SPAG16: variants seen among roughly 807,000 people sequenced by gnomAD.
SPAG16 encodes the protein sperm-associated antigen 16 protein.
A neutral mutation model predicts 80.4 loss-of-function variants in SPAG16; 86 were observed. That is an observed-to-expected ratio of 1.07 (90% confidence interval 0.90 to 1.28). The LOEUF (loss-of-function observed/expected upper bound fraction) is 1.28. Among genes scored for constraint, SPAG16 ranks in the 50% most tolerant of loss-of-function variants. The pLI, the probability that SPAG16 is intolerant of heterozygous loss-of-function variation, is 0.00. For synonymous variants in SPAG16, 294 were observed against 265.9 expected, an observed-to-expected ratio of 1.11 and a Z score of -1.03; for missense variants, 870 against 765.3, an observed-to-expected ratio of 1.14 and a Z score of -1.61.
At chr2:214,242,909 A>T (rs1689593461) in intron 15 of SPAG16, among the ~76,000 whole-genome samples, 1 of 152,144 alleles carries the variant, frequency 6.6e-6, no homozygotes, top group Non-Finnish European at 1.5e-5. Flanking sequence ...TATCCTGTTG[A>T]TAAAATAAAA....
chr2:214,350,498 G>GAT (rs1698326362), intron 15 of SPAG16, among the ~76,000 whole-genome samples: 2 of 152,082 alleles, frequency 1.3e-5, no homozygotes, highest in African/African-American at 4.8e-5. Flanking sequence ...TATATCTTTT[G>GAT]ATATGTAAGA....
At chr2:214,385,000 C>A (rs1360720123) in intron 15 of SPAG16, among the ~76,000 whole-genome samples, 4 of 152,204 alleles carry the variant, frequency 2.6e-5, no homozygotes, top group Non-Finnish European at 4.4e-5. Context: ...CAACCAGAGA[C>A]AACCATAGAA....
At chr2:213,438,437 T>C (rs914550307) in intron 9 of SPAG16, among the ~76,000 whole-genome samples, 17 of 152,240 alleles carry the variant, frequency 1.1e-4, no homozygotes, top group African/African-American at 3.9e-4. Flanking sequence ...CTTATTTTTA[T>C]ATAACAAGTT....
rs769962264 is a variant in SPAG16 at position 213,296,045 on chromosome 2, A to G, written c.137-19A>G. ...TTTATTCTATATTTTTTGAGATTAA[A>G]ACTTGACAAGATATTCAGAGGTCAC... On this transcript the variant is annotated intron_variant, in intron 1 of 15. Transcript: ENST00000331683. 1.5e-5 allele frequency: 24 copies of G among 1,604,486 alleles called. No homozygotes were observed. The East Asian group carries it at 4.9e-4, about 33-fold the overall frequency.
At chr2:213,322,689 A>G (rs1022404922) in intron 5 of SPAG16, among the ~76,000 whole-genome samples, 34 of 152,130 alleles carry the variant, frequency 2.2e-4, no homozygotes, top group African/African-American at 7.2e-4. Context: ...TACAACATAT[A>G]TTAGGTAGTG....
chr2:213,650,495 G>A (rs893393160), intron 10 of SPAG16, among the ~76,000 whole-genome samples: 22 of 152,158 alleles, frequency 1.4e-4, no homozygotes, highest in African/African-American at 5.3e-4. Flanking sequence ...GATATGCACT[G>A]ATAGCTACTA....
chr2:214,011,826 T>G (rs142493584), intron 12 of SPAG16, among the ~76,000 whole-genome samples: 2 of 152,248 alleles, frequency 1.3e-5, no homozygotes, highest in Non-Finnish European at 2.9e-5. Context: ...TACATACATA[T>G]TCATATACAT....
At chr2:213,680,868 A>C (rs1238936683) in intron 10 of SPAG16, among the ~76,000 whole-genome samples, 3 of 152,218 alleles carry the variant, frequency 2.0e-5, no homozygotes, top group African/African-American at 7.2e-5. Context: ...AAGGCAGGAC[A>C]ACTCCAAGTT....
intron 10 of SPAG16, among the ~76,000 whole-genome samples, chr2:213,576,847 G>A (rs2126028161): frequency 6.6e-6 from 1 of 152,248 alleles, no homozygotes; most frequent in Admixed American, 6.5e-5. Context: ...TTGGAGGGTG[G>A]AGGGTGGGAG....
chr2:214,247,115 G>T (rs114619607), intron 15 of SPAG16, among the ~76,000 whole-genome samples: 1 of 152,106 alleles, frequency 6.6e-6, no homozygotes, highest in South Asian at 2.1e-4. Flanking sequence ...CAGGCTGGGT[G>T]TGTATAGTCT....
chr2:213,702,667 A>C (rs562426043), intron 10 of SPAG16, among the ~76,000 whole-genome samples: 6 of 152,218 alleles, frequency 3.9e-5, no homozygotes, highest in Non-Finnish European at 7.3e-5. Flanking sequence ...AACTATCCGT[A>C]ATCTATGACA....
intron 10 of SPAG16, among the ~76,000 whole-genome samples, chr2:213,525,284 C>CTTTTTTTTTTTTT (rs71060436): frequency 2.0e-5 from 2 of 100,338 alleles, no homozygotes; most frequent in African/African-American, 3.8e-5. Context: ...TTTTCCTTTT[C>CTTTTTTTTTTTTT]TTTTTTTTTT....
At chr2:213,315,637 C>T (rs1412149548) in intron 4 of SPAG16, among the ~76,000 whole-genome samples, 2 of 151,920 alleles carry the variant, frequency 1.3e-5, no homozygotes, top group Non-Finnish European at 2.9e-5. Flanking sequence ...TTCCTCATTT[C>T]CTAGTCTCTC....
intron 10 of SPAG16, among the ~76,000 whole-genome samples, chr2:213,725,670 T>G (rs2066735696): frequency 6.6e-6 from 1 of 152,194 alleles, no homozygotes; most frequent in South Asian, 2.1e-4. Flanking sequence ...AGAAAAGAGA[T>G]ATTCCACCTA....
In SPAG16 at chr2:213,776,826, ACC is replaced by A. The variant is rs140864608; in HGVS notation, c.1071-85650_1071-85649del. Among the ~76,000 whole-genome samples the A allele has an allele frequency of 9.4e-4, 101 of 107,614 alleles. No individual in the cohort carries two copies. In the East Asian group the frequency reaches 0.013, roughly 14 times the overall value. The allele number at this position is 107,614 out of a possible 152,430, so 70.6% of individuals were successfully genotyped here. On this transcript the variant is annotated intron_variant, in intron 10 of 15. Coordinates refer to ENST00000331683, the MANE Select transcript of SPAG16 (RefSeq NM_024532.5). ...TAATATCTTACCAGCGTTCTATGCC[ACC>A]CCCCCCCCACCCCAGGACCCGAGCA...
chr2:214,129,927 C>A (rs528782159), intron 14 of SPAG16, among the ~76,000 whole-genome samples: 1 of 151,948 alleles, frequency 6.6e-6, no homozygotes, highest in Non-Finnish European at 1.5e-5. Flanking sequence ...CAATACTTAC[C>A]GGTATTAACA....
intron 13 of SPAG16, among the ~76,000 whole-genome samples, chr2:214,080,662 C>T (rs1358056930): frequency 6.6e-6 from 1 of 151,030 alleles, no homozygotes; most frequent in African/African-American, 2.4e-5. Flanking sequence ...ATTCTAACCA[C>T]ATTAAAGCTA....
chr2:213,965,307 A>G (rs182146138), intron 12 of SPAG16, among the ~76,000 whole-genome samples: 5 of 152,208 alleles, frequency 3.3e-5, no homozygotes, highest in Non-Finnish European at 1.5e-5. Flanking sequence ...TGACTTCACA[A>G]TGGGTTTATC....
intron 11 of SPAG16, among the ~76,000 whole-genome samples, chr2:213,881,852 C>G (rs2076357287): frequency 6.6e-6 from 1 of 152,128 alleles, no homozygotes; most frequent in South Asian, 2.1e-4. Flanking sequence ...CTTTCTCTTG[C>G]CTGTTTTCAG....
Sources: gnomAD v4.1 joint callset for allele counts (sites outside exome capture counted in the v4.1 genomes callset) on GRCh38, gnomAD v4.1.1 for gene constraint, MANE v1.5 for transcripts, NCBI Gene and HGNC (gene_info 2026-07-23, HGNC 2026-07-21) for gene names.